The following ATP1A4 variants were observed in gnomAD, a reference collection of about 807,000 sequenced individuals.
ATP1A4 encodes the protein ATPase Na+/K+ transporting subunit alpha 4.
In ATP1A4, 90 loss-of-function variants were observed where a neutral mutation model predicts 114.3. That is an observed-to-expected ratio of 0.79 (90% CI 0.66 to 0.94). The LOEUF is 0.94. Among genes scored for constraint, ATP1A4 ranks in the 40% least tolerant of loss-of-function variants. The pLI is 0.00. For synonymous variants in ATP1A4, 511 were observed against 494.1 expected (o/e 1.03, Z -0.45); for missense variants, 1,222 against 1,313.6 (o/e 0.93, Z 1.08).
At position 160,175,986 on chromosome 1, in the gene ATP1A4, T is replaced by C. The variant is rs117289942; in HGVS notation, c.2312-106T>C. ...GGAGGTCTAGGACCTCCAGACCCTT[T>C]CCTGGACTGTGACACTTCTTTGAGG... On this transcript the variant is annotated intron_variant, in intron 15 of 21. Coordinates refer to ENST00000368081, the MANE Select transcript of ATP1A4 (RefSeq NM_144699.4). The C allele has an allele frequency of 8.4e-4, 1,019 of 1,215,438 alleles. 13 individuals are homozygous for C. In the East Asian group the frequency reaches 0.022, roughly 27 times the overall value. 75.3% of individuals were successfully genotyped at this position (1,215,438 alleles called of 1,614,324 possible). A position where few individuals can be genotyped will look rare whatever the true frequency, so the allele number is the denominator to read the frequency against.
chr1:160,155,352 T>G, intron 3 of ATP1A4, 104 bp downstream of exon 3: 2 of 687,390 alleles, frequency 2.9e-6, no homozygotes, highest in Non-Finnish European at 4.9e-6. Flanking sequence ...CCCAAATCCC[T>G]AATTACATTA....
At chr1:160,186,406 C>T (rs770191465) in intron 21 of ATP1A4, 39 bp downstream of exon 21, 1 of 1,478,504 alleles carries the variant, frequency 6.8e-7, no homozygotes, top group Non-Finnish European at 9.4e-7. Flanking sequence ...TGAGTGGTCA[C>T]CAGCCCCCTC....
chr1:160,159,189 G>A, intron 5 of ATP1A4, 53 bp downstream of exon 5: 2 of 1,586,788 alleles, frequency 1.3e-6, no homozygotes, highest in East Asian at 2.2e-5. Context: ...CTCATGGCAG[G>A]GTAGACACCT....
At chr1:160,162,394 G>A (rs999425402) in intron 6 of ATP1A4, among the ~76,000 whole-genome samples, 6 of 152,206 alleles carry the variant, frequency 3.9e-5, no homozygotes, top group African/African-American at 1.2e-4. Flanking sequence ...TCTGACTGGG[G>A]CAGTGCTGGT....
At chr1:160,159,563 C>T (rs766503097) in intron 6 of ATP1A4, 37 bp downstream of exon 6, 1 of 1,544,604 alleles carries the variant, frequency 6.5e-7, no homozygotes, top group Non-Finnish European at 8.9e-7. Flanking sequence ...GATTCAAAAG[C>T]AGGCACCAAA....
Position 160,155,185 on chromosome 1 carries a change from CA to C in ATP1A4, c.349del (p.Ile117PhefsTer24). On this transcript the variant is annotated frameshift_variant, in exon 3 of 22. Coordinates refer to ENST00000368081, the MANE Select transcript of ATP1A4 (RefSeq NM_144699.4). LOFTEE classifies it high-confidence loss of function. ...TCTCCCTCCTACTATGGACTGGGGC[CA>C]TTCTCTGCTTTGTGGCCTACAGCAT... is the stretch of plus-strand genomic sequence containing the variant. Reference protein sequence around the residue: ...GFSLLLWTGAILCFVAYSIQI... With the variant: ...GFSLLLWTGAXLCFVAYSIQI... The C allele has an allele frequency of 5.0e-6, 8 of 1,613,752 alleles. No individual in the cohort carries two copies. The highest frequency in any genetic ancestry group is 6.8e-6 in the Non-Finnish European group (8 of 1,179,940).
chr1:160,177,521 A>T lies in ATP1A4; in HGVS notation c.2593A>T (p.Met865Leu), dbSNP rs1206202963. Residue 865 changes from methionine (M) to leucine (L), a missense_variant and splice_region_variant, in exon 18 of 22, where the codon ATG becomes TTG. Transcript: ENST00000368081. ...LIGMAYGQIG[M>L]IQALAGFFTY... ...TCCTGCAACTCTGTCATTCACAGGG[A>T]TGATCCAGGCTCTGGCTGGATTCTT... 5.6e-6 allele frequency: 9 copies of T among 1,613,782 alleles called. No individual in the cohort carries two copies. The highest frequency in any genetic ancestry group is 1.3e-5 in the African/African-American group (1 of 74,904).
In ATP1A4 at chr1:160,177,545, T is replaced by C. The variant is rs1267096505; in HGVS notation, c.2617T>C (p.Phe873Leu). 1 of 1,614,064 alleles carries C rather than the reference T, an allele frequency of 6.2e-7. No individual in the cohort carries two copies. Among genetic ancestry groups the C allele is most frequent in the Non-Finnish European group, 8.5e-7 (1 of 1,180,034 alleles). ...GATGATCCAGGCTCTGGCTGGATTC[T>C]TTACCTACTTTGTAATCCTGGCTGA... ...IGMIQALAGF[F>L]TYFVILAENG... The change falls in exon 18 of 22, where the codon TTT (phenylalanine) becomes CTT (leucine). Residue 873 changes from phenylalanine (F) to leucine (L), a missense_variant. Phe to Leu is a conservative substitution (Grantham distance 22, BLOSUM62 0). Transcript: ENST00000368081.
intron 1 of ATP1A4, 143 bp downstream of exon 1, chr1:160,152,330 A>C: frequency 8.5e-6 from 1 of 117,668 alleles, no homozygotes; most frequent in Non-Finnish European, 1.4e-5. Flanking sequence ...GGAGAGGGTT[A>C]AAAAAAAAAA....
chr1:160,153,047 A>C, intron 1 of ATP1A4, 118 bp from the exon 2 acceptor site: 3 of 789,952 alleles, frequency 3.8e-6, no homozygotes, highest in South Asian at 3.1e-5. Flanking sequence ...AATTGCAGGG[A>C]GCTTACAAAA....
At chr1:160,174,876 C>T (rs950020508) in intron 15 of ATP1A4, 129 bp downstream of exon 15, 1 of 1,433,606 alleles carries the variant, frequency 7.0e-7, no homozygotes, top group East Asian at 2.4e-5. Context: ...AAGAAAATCA[C>T]TGTAAGACAA....
Position 160,159,437 on chromosome 1 carries a change from C to T in ATP1A4, c.689C>T (p.Ser230Leu), listed in dbSNP as rs751299467. ...KVDNSSLTGE[S>L]EPQSRSPDFT... The stretch of plus-strand genomic sequence containing the variant: ...GACAACTCATCCTTGACTGGGGAGT[C>T]AGAACCCCAGAGCCGCTCCCCTGAC... The change falls in exon 6 of 22, where the codon TCA becomes TTA. Residue 230 changes from serine to leucine, a missense_variant. Physicochemically the swap from Ser to Leu is moderately radical, Grantham distance 145. Transcript: ENST00000368081. The T allele has an allele frequency of 6.8e-6, 11 of 1,613,662 alleles. No individual in the cohort carries two copies. The highest frequency in any genetic ancestry group is 8.5e-6 in the Non-Finnish European group (10 of 1,179,862).
chr1:160,174,013 G>T, intron 13 of ATP1A4, 98 bp from the exon 14 acceptor site: 1 of 1,425,542 alleles, frequency 7.0e-7, no homozygotes, highest in Non-Finnish European at 9.6e-7. Flanking sequence ...AGACTAGGTT[G>T]AAAGAAGAAG....
Position 160,151,794 on chromosome 1 carries a change from G to A in ATP1A4, c.-247G>A. ...CTCTCCTCCCTCTTCCCTCACTCCTGACTCTTCCTCTTCCCAGCGGACGGC... is the reference window on the plus strand; with the variant it reads ...CTCTCCTCCCTCTTCCCTCACTCCTAACTCTTCCTCTTCCCAGCGGACGGC... On this transcript the variant is annotated 5_prime_UTR_variant, in exon 1 of 22. Transcript: ENST00000368081. 1 of 449,016 alleles carries A rather than the reference G, an allele frequency of 2.2e-6. No individual in the cohort carries two copies. The highest frequency in any genetic ancestry group is 4.0e-6 in the Non-Finnish European group (1 of 249,292). 27.8% of individuals were successfully genotyped at this position (449,016 alleles called of 1,614,324 possible).
chr1:160,177,668 A>C lies in ATP1A4; in HGVS notation c.2736+4A>C, dbSNP rs1653527827. ...GGACAGCTACGGACAGCAGTGGGTGAGTAGAAGGGATAAGGTAGGAGCTGA... is the reference window on the plus strand; with the variant it reads ...GGACAGCTACGGACAGCAGTGGGTGCGTAGAAGGGATAAGGTAGGAGCTGA... On this transcript the variant is annotated splice_donor_region_variant and intron_variant, in intron 18 of 21. Transcript: ENST00000368081. 1.9e-6 allele frequency: 3 copies of C among 1,614,056 alleles called. No homozygotes were observed. The highest frequency in any genetic ancestry group is 2.5e-6 in the Non-Finnish European group (3 of 1,180,002).
chr1:160,153,280 G>T (rs1652523594), intron 2 of ATP1A4, 56 bp downstream of exon 2: 2 of 1,513,194 alleles, frequency 1.3e-6, no homozygotes, highest in East Asian at 2.3e-5. Flanking sequence ...CTGTGAGGCT[G>T]CCAGGACAAA....
intron 6 of ATP1A4, among the ~76,000 whole-genome samples, chr1:160,162,092 A>G (rs1013183580): frequency 5.3e-5 from 8 of 152,330 alleles, no homozygotes; most frequent in Non-Finnish European, 1.2e-4. Flanking sequence ...TTCCATTTCG[A>G]AGATGAGGAA....
chr1:160,158,522 G>A (rs146932595), intron 4 of ATP1A4, among the ~76,000 whole-genome samples: 152 of 152,114 alleles, frequency 1.0e-3, no homozygotes, highest in African/African-American at 3.3e-3. Context: ...GACTACAGGT[G>A]CATGCCACCA....
At chr1:160,171,863 G>T (rs183446608) in intron 12 of ATP1A4, 106 bp downstream of exon 12, 4 of 1,149,370 alleles carry the variant, frequency 3.5e-6, no homozygotes, top group South Asian at 3.4e-5. Context: ...TTAATTGAGC[G>T]GATTTCTGTT....
Sources: allele counts gnomAD v4.1 joint callset (sites outside exome capture counted in the v4.1 genomes callset), GRCh38; gene constraint gnomAD v4.1.1; transcripts MANE v1.5; gene names NCBI Gene and HGNC (gene_info 2026-07-23, HGNC 2026-07-21).